The following RLN2 variants were observed in gnomAD, a reference collection of about 807,000 sequenced individuals.
The protein encoded by RLN2 is relaxin 2, also known as prorelaxin H2.
A neutral mutation model predicts 7.3 loss-of-function variants in RLN2; 10 were observed. The observed-to-expected ratio is 1.36, with a 90% CI of 0.84 to 2.31. RLN2 has a LOEUF of 2.31. Among genes scored for constraint, RLN2 ranks in the 30% most tolerant of loss-of-function variants. The pLI, the probability that RLN2 is intolerant of heterozygous loss-of-function variation, is 0.00. For missense variants in RLN2, 298 were observed against 217.6 expected, an observed-to-expected ratio of 1.37 and a Z score of -2.32; for synonymous variants, 103 against 82.3, an observed-to-expected ratio of 1.25 and a Z score of -1.36.
chr9:5,323,811 C>G, the RLN2 span, among the ~76,000 whole-genome samples: 1 of 151,828 alleles, frequency 6.6e-6, no homozygotes, highest in Non-Finnish European at 1.5e-5. Context: ...TTTGGGAGGC[C>G]GAGGTGGATG....
chr9:5,330,969 C>T, the RLN2 span, among the ~76,000 whole-genome samples: 1 of 152,018 alleles, frequency 6.6e-6, no homozygotes, highest in Non-Finnish European at 1.5e-5. Flanking sequence ...ACTATGAACA[C>T]CTCTACGCAA....
At chr9:5,316,247 T>C in the RLN2 span, among the ~76,000 whole-genome samples, 4 of 152,078 alleles carry the variant, frequency 2.6e-5, no homozygotes, top group Middle Eastern at 3.4e-3. Flanking sequence ...GCAAATAACA[T>C]CTTTAGGACT....
At chr9:5,321,162 G>C in the RLN2 span, among the ~76,000 whole-genome samples, 2 of 152,182 alleles carry the variant, frequency 1.3e-5, no homozygotes, top group East Asian at 1.9e-4. Flanking sequence ...AGTAAATTTT[G>C]ATGCTGGAAG....
chr9:5,311,302 G>A, the RLN2 span: 1 of 332,888 alleles, frequency 3.0e-6, no homozygotes, highest in South Asian at 3.1e-5. Context: ...GCATGTATAT[G>A]AGTGCATGAG....
At chr9:5,321,622 G>A in the RLN2 span, among the ~76,000 whole-genome samples, 17 of 151,976 alleles carry the variant, frequency 1.1e-4, no homozygotes, top group Non-Finnish European at 2.1e-4. Flanking sequence ...GGGAAGGGAT[G>A]CAGGGTGGGG....
chr9:5,316,441 A>G, the RLN2 span, among the ~76,000 whole-genome samples: 1 of 151,792 alleles, frequency 6.6e-6, no homozygotes, highest in African/African-American at 2.4e-5. Context: ...TCCTCCCACT[A>G]GCCCCTCACC....
the RLN2 span, among the ~76,000 whole-genome samples, chr9:5,321,724 G>C: frequency 7.0e-6 from 1 of 143,612 alleles, no homozygotes. Context: ...GGAGGCATCT[G>C]CCTAAACACA....
the RLN2 span, among the ~76,000 whole-genome samples, chr9:5,326,395 C>A: frequency 5.9e-5 from 9 of 152,190 alleles, 1 homozygote; most frequent in South Asian, 1.9e-3. Flanking sequence ...CTAAAAGGAT[C>A]TGTGGCTTAG....
chr9:5,335,016 G>C, the RLN2 span: 63 of 390,770 alleles, frequency 1.6e-4, no homozygotes, highest in African/African-American at 1.2e-3. Flanking sequence ...GCATTAAAAA[G>C]AATCAACACA....
chr9:5,314,462 C>T, the RLN2 span, among the ~76,000 whole-genome samples: 220 of 152,118 alleles, frequency 1.4e-3, no homozygotes, highest in East Asian at 8.7e-3. Context: ...ACCCCCATTC[C>T]TGAATGGAAG....
At chr9:5,326,815 G>C in the RLN2 span, among the ~76,000 whole-genome samples, 55 of 152,144 alleles carry the variant, frequency 3.6e-4, 1 homozygote, top group Admixed American at 1.4e-3. Flanking sequence ...ATCAGAATTA[G>C]TTGTAAAGTA....
intron 1 of RLN2, among the ~76,000 whole-genome samples, chr9:5,300,736 A>C (rs974762267): frequency 2.6e-5 from 4 of 152,152 alleles, no homozygotes; most frequent in Admixed American, 6.5e-5. Flanking sequence ...CCTGACATTA[A>C]TCTGTCATCT....
upstream of RLN2, among the ~76,000 whole-genome samples, chr9:5,307,414 T>C (rs567006243): frequency 3.3e-5 from 5 of 152,124 alleles, no homozygotes; most frequent in African/African-American, 1.2e-4. Context: ...AGGCATACTT[T>C]AGTGGCACTT....
the RLN2 span, among the ~76,000 whole-genome samples, chr9:5,329,269 G>A: frequency 7.5e-6 from 1 of 133,226 alleles, no homozygotes; most frequent in Non-Finnish European, 1.5e-5. Flanking sequence ...CACCACTGCA[G>A]TCCGCAGTCC....
chr9:5,336,297 C>T, the RLN2 span, among the ~76,000 whole-genome samples: 2 of 152,042 alleles, frequency 1.3e-5, no homozygotes, highest in African/African-American at 2.4e-5. Context: ...TTCATATGTG[C>T]TGTGGTGTAA....
the RLN2 span, among the ~76,000 whole-genome samples, chr9:5,319,282 G>A: frequency 6.6e-6 from 1 of 151,920 alleles, no homozygotes; most frequent in East Asian, 1.9e-4. Flanking sequence ...ACTTCCTGAT[G>A]AACTGAGGGT....
At chr9:5,309,121 A>C (rs1176905568), upstream of RLN2, among the ~76,000 whole-genome samples, 2 of 152,062 alleles carry the variant, frequency 1.3e-5, no homozygotes, top group African/African-American at 2.4e-5. Context: ...CCACTCCAAC[A>C]GGGTGAATAG....
chr9:5,307,826 G>C (rs947371749), upstream of RLN2, among the ~76,000 whole-genome samples: 1 of 151,936 alleles, frequency 6.6e-6, no homozygotes, highest in Non-Finnish European at 1.5e-5. Context: ...ATCTTCCAGC[G>C]CCAACTTTGT....
At chr9:5,317,074 C>G in the RLN2 span, among the ~76,000 whole-genome samples, 1 of 151,752 alleles carries the variant, frequency 6.6e-6, no homozygotes, top group Non-Finnish European at 1.5e-5. Context: ...AAGATAATAG[C>G]AGATACACAA....
Sources: allele counts gnomAD v4.1 joint callset (sites outside exome capture counted in the v4.1 genomes callset), GRCh38; gene constraint gnomAD v4.1.1; transcripts MANE v1.5; gene names NCBI Gene and HGNC (gene_info 2026-07-23, HGNC 2026-07-21).